The following SRSF2 variants were observed in gnomAD, a reference collection of about 807,000 sequenced individuals.
The protein encoded by SRSF2 is serine/arginine-rich splicing factor 2.
Under a neutral mutation model 15.7 loss-of-function variants are expected in SRSF2, and 4 were observed. That is an observed-to-expected ratio of 0.26 (90% CI 0.13 to 0.58). The LOEUF (loss-of-function observed/expected upper bound fraction) is 0.58, where lower values mean the gene tolerates loss of function less well. SRSF2 is among the 20% of genes least tolerant of loss of function. SRSF2 has a pLI of 0.90. For missense variants in SRSF2, 147 were observed against 332.4 expected (o/e 0.44, Z 4.34); for synonymous variants, 192 against 138.9 (o/e 1.38, Z -2.69).
At position 76,734,382 on chromosome 17, in the gene SRSF2, C is replaced by T. The variant is rs2077377099; in HGVS notation, c.*784G>A. On this transcript the variant is annotated 3_prime_UTR_variant, in exon 3 of 3. Coordinates refer to ENST00000359995, the MANE Select transcript of SRSF2 (RefSeq NM_001195427.2). ...TGCTCCGTTATTTATATGCAAGGCC[C>T]GGGTGACTGGAAGTGCAGTTGTCAG... is the stretch of plus-strand genomic sequence containing the variant. 2 of 241,888 alleles carry T rather than the reference C, an allele frequency of 8.3e-6. No individual in the cohort carries two copies. Among genetic ancestry groups the T allele is most frequent in the East Asian group, 6.3e-5 (1 of 15,936 alleles). The allele number at this position is 241,888 out of a possible 1,614,324, so 15.0% of individuals were successfully genotyped here. A position where few individuals can be genotyped will look rare whatever the true frequency, so the allele number is the denominator to read the frequency against.
chr17:76,735,751 C>G, intron 2 of SRSF2: 1 of 346,286 alleles, frequency 2.9e-6, no homozygotes, highest in Non-Finnish European at 5.6e-6. Context: ...GATAGTGCAT[C>G]TTTAACATTT....
At position 76,736,317 on chromosome 17, in the gene SRSF2, C is replaced by T; in HGVS notation, c.510G>A (p.Lys170=). 3 of 1,614,132 alleles carry T rather than the reference C, an allele frequency of 1.9e-6. No individual in the cohort carries two copies. The highest frequency in any genetic ancestry group is 2.5e-6 in the Non-Finnish European group (3 of 1,180,000). The part of the protein sequence containing the change: ...TSKSRSARRS[K]SKSSSVSRSR... Reference sequence around the variant, plus strand: ...ATCTGGAGACCGACGAGGACTTGGACTTGGACCTTCGTGCGGATCTGGACT... The same window carrying T: ...ATCTGGAGACCGACGAGGACTTGGATTTGGACCTTCGTGCGGATCTGGACT... Residue 170 remains lysine, a synonymous_variant, in exon 2 of 3, where the codon AAG becomes AAA. Coordinates refer to ENST00000359995, the MANE Select transcript of SRSF2 (RefSeq NM_001195427.2).
intron 1 of SRSF2, 62 bp from the exon 2 acceptor site, chr17:76,736,526 G>C: frequency 6.5e-7 from 1 of 1,529,106 alleles, no homozygotes; most frequent in Non-Finnish European, 8.8e-7. Flanking sequence ...GGCCCCGCCC[G>C]CGCGCTCCCG....
At chr17:76,735,289 T>C (rs1320847125) in intron 2 of SRSF2, 131 bp from the exon 3 acceptor site, 4 of 217,884 alleles carry the variant, frequency 1.8e-5, no homozygotes, top group Non-Finnish European at 3.7e-5. Flanking sequence ...GCCATGTTTT[T>C]AAAAGGCCCA....
At position 76,736,472 on chromosome 17, in the gene SRSF2, C is replaced by T. The variant is rs1342153994; in HGVS notation, c.363-8G>A. 38 of 1,608,714 alleles carry T rather than the reference C, an allele frequency of 2.4e-5. No individual in the cohort carries two copies. Among genetic ancestry groups the T allele is most frequent in the Non-Finnish European group, 3.2e-5 (38 of 1,179,596 alleles). ...CGGCGACGCCGCCTAGGGCTGCGGGCGGGACGAGCAAGCACAGCGGGGTTA... is the reference window on the plus strand; with the variant it reads ...CGGCGACGCCGCCTAGGGCTGCGGGTGGGACGAGCAAGCACAGCGGGGTTA... On this transcript the variant is annotated splice_polypyrimidine_tract_variant and splice_region_variant and intron_variant, in intron 1 of 2. Coordinates refer to ENST00000359995, the MANE Select transcript of SRSF2 (RefSeq NM_001195427.2).
At chr17:76,735,695 G>A (rs534983708) in intron 2 of SRSF2, 1 of 269,950 alleles carries the variant, frequency 3.7e-6, no homozygotes, top group South Asian at 6.4e-5. Context: ...AGAATATGAA[G>A]TCCCAGTCAG....
chr17:76,736,006 T>C (rs2077444043), intron 2 of SRSF2, 148 bp downstream of exon 2: 3 of 760,148 alleles, frequency 3.9e-6, no homozygotes, highest in South Asian at 1.8e-5. Flanking sequence ...TGCAGACCCC[T>C]CTCTTCAGTA....
Position 76,735,162 on chromosome 17 carries a change from G to A in SRSF2, c.*8-4C>T, listed in dbSNP as rs960217737. On this transcript the variant is annotated splice_polypyrimidine_tract_variant and splice_region_variant and intron_variant, in intron 2 of 2. Transcript: ENST00000359995. ...TTTACACTGCTTGCCGATACATCTA[G>A]GTTTGAAAAGAAAGAAGTTCAGCTT... 4.1e-5 allele frequency: 9 copies of A among 219,238 alleles called. No individual in the cohort carries two copies. The highest frequency in any genetic ancestry group is 2.0e-4 in the African/African-American group (9 of 44,514). 13.6% of individuals were successfully genotyped at this position (219,238 alleles called of 1,614,324 possible).
rs548809319 is a variant in SRSF2 at position 76,737,207 on chromosome 17, T to C, written c.-47A>G. On this transcript the variant is annotated 5_prime_UTR_variant, in exon 1 of 3. Transcript: ENST00000359995. ...GCCCCGCGAACTGGCGCCGGCTTCC[T>C]CAGCTCTGGGCGGTGCGACGCCGCG... 199 of 1,502,360 alleles carry C rather than the reference T, an allele frequency of 1.3e-4. No individual in the cohort carries two copies. Among genetic ancestry groups the C allele is most frequent in the Admixed American group, 2.5e-4 (12 of 47,524 alleles). 93.1% of individuals were successfully genotyped at this position (1,502,360 alleles called of 1,614,324 possible).
rs2077395630 is a variant in SRSF2 at position 76,735,113 on chromosome 17, G to A, written c.*53C>T. On this transcript the variant is annotated 3_prime_UTR_variant, in exon 3 of 3. Transcript: ENST00000359995. ...AGGACTCTTCTTCGATGGACTATGT[G>A]GTCCTTTTTCCCCAAGTCCTCCGTT... 4.6e-6 allele frequency: 1 copy of A among 219,414 alleles called. No homozygotes were observed. Among genetic ancestry groups the A allele is most frequent in the South Asian group, 1.9e-4 (1 of 5,402 alleles). 13.6% of individuals were successfully genotyped at this position (219,414 alleles called of 1,614,324 possible).
rs201537332 is a variant in SRSF2, at chr17:76,736,469, G to A, written c.363-5C>T. The A allele has an allele frequency of 5.3e-4, 849 of 1,609,628 alleles. No homozygotes were observed. Among genetic ancestry groups the A allele is most frequent in the Admixed American group, 7.0e-4 (42 of 59,982 alleles). ...CTGCGGCGACGCCGCCTAGGGCTGC[G>A]GGCGGGACGAGCAAGCACAGCGGGG... On this transcript the variant is annotated splice_polypyrimidine_tract_variant and splice_region_variant and intron_variant, in intron 1 of 2. Transcript: ENST00000359995.
At position 76,736,870 on chromosome 17, in the gene SRSF2, G is replaced by A. The variant is rs766459684; in HGVS notation, c.291C>T (p.Asp97=). Residue 97 remains aspartate (D), a synonymous_variant, in exon 1 of 3, where the codon GAC becomes GAT. Transcript: ENST00000359995. ...GCGGTCCCCGGCGGCTGTGGTGTGAGTCCGGGGGGCGGCCGTAGCGCGCCA... is the reference window on the plus strand; with the variant it reads ...GCGGTCCCCGGCGGCTGTGGTGTGAATCCGGGGGGCGGCCGTAGCGCGCCA... ...VQMARYGRPP[D]SHHSRRGPPP... The A allele has an allele frequency of 1.1e-5, 18 of 1,610,770 alleles. No homozygotes were observed. The highest frequency in any genetic ancestry group is 1.4e-5 in the Non-Finnish European group (16 of 1,179,176).
Position 76,734,115 on chromosome 17 carries a change from T to G in SRSF2, c.*1051A>C, listed in dbSNP as rs931558771. 5 of 205,498 alleles carry G rather than the reference T, an allele frequency of 2.4e-5. No individual in the cohort carries two copies. The highest frequency in any genetic ancestry group is 1.8e-4 in the Admixed American group (3 of 16,828). The allele number at this position is 205,498 out of a possible 1,614,324, so 12.7% of individuals were successfully genotyped here. On this transcript the variant is annotated 3_prime_UTR_variant, in exon 3 of 3. Coordinates refer to ENST00000359995, the MANE Select transcript of SRSF2 (RefSeq NM_001195427.2). ...TGGGGGAAAAAAAGACCGAGACATA[T>G]TCTGAGAAAAGCTAACACCAAGAAA...
At chr17:76,736,564 A>G (rs2077487621) in intron 1 of SRSF2, 100 bp from the exon 2 acceptor site, 2 of 1,369,850 alleles carry the variant, frequency 1.5e-6, no homozygotes, top group Non-Finnish European at 2.0e-6. Flanking sequence ...TCGCCGCCAG[A>G]CGCCATTTCC....
intron 2 of SRSF2, chr17:76,735,418 G>A (rs912016970): frequency 9.0e-6 from 2 of 223,358 alleles, no homozygotes; most frequent in East Asian, 1.3e-4. Context: ...AAAAAAAAGG[G>A]CTGTATCCAA....
chr17:76,737,032 C>T lies in SRSF2; in HGVS notation c.129G>A (p.Val43=), dbSNP rs2077538445. The change falls in exon 1 of 3, where the codon GTG becomes GTA. Residue 43 remains valine (V), a synonymous_variant. Coordinates refer to ENST00000359995, the MANE Select transcript of SRSF2 (RefSeq NM_001195427.2). The stretch of plus-strand genomic sequence containing the variant: ...TGGTGTAGCGGTCCCGCGGGATGTA[C>T]ACGTCGCCGACGCGCCCGTACTTCT... ...VFEKYGRVGD[V]YIPRDRYTKE... 1 of 1,613,284 alleles carries T rather than the reference C, an allele frequency of 6.2e-7. No individual in the cohort carries two copies. The highest frequency in any genetic ancestry group is 1.3e-5 in the African/African-American group (1 of 74,930).
At chr17:76,736,756 C>T (rs1314026492) in intron 1 of SRSF2, 43 bp downstream of exon 1, 8 of 1,396,774 alleles carry the variant, frequency 5.7e-6, no homozygotes, top group Non-Finnish European at 7.4e-6. Flanking sequence ...GGGCCTCCCG[C>T]GCGCCCCGCC....
Position 76,736,783 on chromosome 17 carries a change from C to T in SRSF2, c.362+16G>A, listed in dbSNP as rs1312005265. 2 of 1,514,788 alleles carry T rather than the reference C, an allele frequency of 1.3e-6. No homozygotes were observed. Among genetic ancestry groups the T allele is most frequent in the Non-Finnish European group, 1.8e-6 (2 of 1,136,042 alleles). The allele number at this position is 1,514,788 out of a possible 1,614,324, so 93.8% of individuals were successfully genotyped here. On this transcript the variant is annotated intron_variant, in intron 1 of 2. Transcript: ENST00000359995. ...CGCCCCGCCCCGCCTCCCGCGGTCC[C>T]CTCAGCCCCGTTTACCTGCGGCTCC...
At chr17:76,735,960 C>A in intron 2 of SRSF2, 194 bp downstream of exon 2, 1 of 625,104 alleles carries the variant, frequency 1.6e-6, no homozygotes, top group Non-Finnish European at 2.8e-6. Flanking sequence ...GTTTACGAAA[C>A]AGCCATTATT....
Sources: gnomAD v4.1 joint callset for allele counts on GRCh38, gnomAD v4.1.1 for gene constraint, MANE v1.5 for transcripts, NCBI Gene and HGNC (gene_info 2026-07-23, HGNC 2026-07-21) for gene names.